The following MACROD2 variants were observed in gnomAD, a reference collection of about 807,000 sequenced individuals.
The protein encoded by MACROD2 is ADP-ribose glycohydrolase MACROD2.
MACROD2 carries 36 observed loss-of-function variants against 70.4 expected under a neutral mutation model. That is an observed-to-expected ratio of 0.51 (90% CI 0.39 to 0.68). The LOEUF is 0.68. Ranked by LOEUF, MACROD2 falls within the 30% of genes least tolerant of loss-of-function variation. The probability of loss-of-function intolerance (pLI) is 0.00; values close to 1 mark genes in which losing one functional copy is unlikely to be tolerated. For missense variants in MACROD2, 496 were observed against 538.4 expected (o/e 0.92, Z 0.78); for synonymous variants, 172 against 178.8 (o/e 0.96, Z 0.30).
intron 4 of MACROD2, among the ~76,000 whole-genome samples, chr20:14,497,552 A>G (rs2084868096): frequency 6.6e-6 from 1 of 151,638 alleles, no homozygotes; most frequent in African/African-American, 2.4e-5. Flanking sequence ...TTTGTTTTTC[A>G]TTGACGTAAT....
intron 3 of MACROD2, among the ~76,000 whole-genome samples, chr20:14,485,440 G>A (rs1423545400): frequency 6.6e-6 from 1 of 152,034 alleles, no homozygotes; most frequent in Non-Finnish European, 1.5e-5. Flanking sequence ...GGTGGCTCAC[G>A]CCTGTAATCC....
intron 4 of MACROD2, among the ~76,000 whole-genome samples, chr20:14,641,710 A>G (rs1290596345): frequency 1.3e-5 from 2 of 152,196 alleles, no homozygotes; most frequent in African/African-American, 4.8e-5. Context: ...TTTGAAAAAA[A>G]TCTTTTTTTC....
intron 5 of MACROD2, among the ~76,000 whole-genome samples, chr20:15,086,727 G>A (rs2075751513): frequency 6.6e-6 from 1 of 152,120 alleles, no homozygotes. Flanking sequence ...TGACAGTCAA[G>A]TTTTCCTTCT....
intron 3 of MACROD2, among the ~76,000 whole-genome samples, chr20:14,349,598 C>A (rs1262169389): frequency 7.1e-6 from 1 of 139,986 alleles, no homozygotes; most frequent in East Asian, 2.0e-4. Context: ...ACCATCCCCA[C>A]CCACCTCCCC....
chr20:15,517,647 G>T (rs1478302221), intron 8 of MACROD2, among the ~76,000 whole-genome samples: 1 of 152,230 alleles, frequency 6.6e-6, no homozygotes, highest in East Asian at 1.9e-4. Context: ...TAGAGAAAGG[G>T]GTATGCCAGA....
At chr20:14,615,715 T>G (rs6042821) in intron 4 of MACROD2, among the ~76,000 whole-genome samples, 3 of 152,076 alleles carry the variant, frequency 2.0e-5, no homozygotes, top group Admixed American at 1.3e-4. Flanking sequence ...AAGATTAGCC[T>G]GGTAGCAATA....
chr20:14,761,019 C>A (rs1206221348), intron 5 of MACROD2, among the ~76,000 whole-genome samples: 1 of 152,160 alleles, frequency 6.6e-6, no homozygotes, highest in Middle Eastern at 3.4e-3. Context: ...TGGAGCTCCT[C>A]CTCATTGTTT....
intron 5 of MACROD2, among the ~76,000 whole-genome samples, chr20:14,805,507 G>T (rs1742997436): frequency 6.6e-6 from 1 of 152,018 alleles, no homozygotes; most frequent in South Asian, 2.1e-4. Flanking sequence ...ATGAATGATT[G>T]TAATAATCAT....
chr20:14,283,526 C>A, intron 3 of MACROD2, among the ~76,000 whole-genome samples: 2 of 152,026 alleles, frequency 1.3e-5, no homozygotes, highest in East Asian at 1.9e-4. Flanking sequence ...TATCTATCAG[C>A]AATAGTTATA....
intron 5 of MACROD2, among the ~76,000 whole-genome samples, chr20:14,693,536 G>C (rs1466931044): frequency 1.3e-5 from 2 of 152,112 alleles, no homozygotes; most frequent in African/African-American, 4.8e-5. Flanking sequence ...TGATTAAAAA[G>C]TAGTCCACAG....
chr20:14,785,868 A>G (rs1470705354), intron 5 of MACROD2, among the ~76,000 whole-genome samples: 3 of 152,016 alleles, frequency 2.0e-5, no homozygotes, highest in Non-Finnish European at 4.4e-5. Context: ...AGCACCATCA[A>G]TCACCTCTTT....
chr20:15,967,192 A>G (rs546637802), intron 12 of MACROD2, among the ~76,000 whole-genome samples: 32 of 152,194 alleles, frequency 2.1e-4, no homozygotes, highest in Non-Finnish European at 4.7e-4. Context: ...TAATGGAAGC[A>G]TTAAGAACAT....
intron 3 of MACROD2, among the ~76,000 whole-genome samples, chr20:14,333,066 TG>T (rs1048704002): frequency 6.6e-6 from 1 of 151,994 alleles, no homozygotes; most frequent in African/African-American, 2.4e-5. Context: ...CCAATTCTTT[TG>T]TTCAATGCCA....
At chr20:14,536,827 G>A (rs2085372707) in intron 4 of MACROD2, among the ~76,000 whole-genome samples, 1 of 152,202 alleles carries the variant, frequency 6.6e-6, no homozygotes, top group African/African-American at 2.4e-5. Flanking sequence ...CCCATCTGCA[G>A]TAAATTAAGA....
chr20:15,835,993 A>G (rs2064110280), intron 8 of MACROD2, among the ~76,000 whole-genome samples: 1 of 152,190 alleles, frequency 6.6e-6, no homozygotes, highest in Admixed American at 6.5e-5. Flanking sequence ...GCCCCTGGGA[A>G]CACAGGCCAT....
chr20:16,048,304 T>C (rs73092725), intron 17 of MACROD2, among the ~76,000 whole-genome samples: 19,172 of 151,992 alleles, frequency 0.13, 1,289 homozygotes, highest in African/African-American at 0.15. Flanking sequence ...GAAGATTTTA[T>C]AAAATAACTA....
intron 8 of MACROD2, among the ~76,000 whole-genome samples, chr20:15,848,926 G>A (rs2064265461): frequency 6.6e-6 from 1 of 152,124 alleles, no homozygotes; most frequent in Non-Finnish European, 1.5e-5. Context: ...CTCCTCCAGG[G>A]ATCTACCGTC....
At chr20:14,619,580 GAAA>G (rs368353334) in intron 4 of MACROD2, among the ~76,000 whole-genome samples, 4 of 151,110 alleles carry the variant, frequency 2.6e-5, no homozygotes, top group Non-Finnish European at 5.9e-5. Context: ...GGAGGGAAAA[GAAA>G]AAAAGGAGTA....
At chr20:16,031,457 C>T (rs188835397) in intron 15 of MACROD2, among the ~76,000 whole-genome samples, 7 of 152,086 alleles carry the variant, frequency 4.6e-5, no homozygotes, top group Non-Finnish European at 8.8e-5. Flanking sequence ...TACACTAGAT[C>T]TAGAAATTCA....
Sources: allele counts gnomAD v4.1 joint callset (sites outside exome capture counted in the v4.1 genomes callset), GRCh38; gene constraint gnomAD v4.1.1; transcripts MANE v1.5; gene names NCBI Gene and HGNC (gene_info 2026-07-23, HGNC 2026-07-21).